KLHL8: variants seen among roughly 807,000 people sequenced by gnomAD.
KLHL8 encodes kelch-like protein 8.
In KLHL8, 38 loss-of-function variants were observed where a neutral mutation model predicts 63.5. That is an observed-to-expected ratio of 0.60 (90% CI 0.46 to 0.78). The LOEUF (loss-of-function observed/expected upper bound fraction) is 0.78, where lower values mean the gene tolerates loss of function less well. Among genes scored for constraint, KLHL8 ranks in the 30% least tolerant of loss-of-function variants. KLHL8 has a pLI of 0.00. For synonymous variants in KLHL8, 224 were observed against 254.3 expected (o/e 0.88, Z 1.13); for missense variants, 566 against 752.4 (o/e 0.75, Z 2.90).
At chr4:87,168,297 G>C (rs1042729627) in intron 8 of KLHL8, among the ~76,000 whole-genome samples, 2 of 152,074 alleles carry the variant, frequency 1.3e-5, no homozygotes, top group Non-Finnish European at 2.9e-5. Context: ...TGAGGGTTTT[G>C]CAGGTTTCTA....
At chr4:87,169,155 A>C (rs1730539653) in intron 8 of KLHL8, among the ~76,000 whole-genome samples, 1 of 152,062 alleles carries the variant, frequency 6.6e-6, no homozygotes, top group Admixed American at 6.5e-5. Flanking sequence ...AAATACAAAA[A>C]TTAGCTGGGC....
intron 7 of KLHL8, 33 bp from the exon 8 acceptor site, chr4:87,170,271 A>G: frequency 6.3e-7 from 1 of 1,579,996 alleles, no homozygotes; most frequent in South Asian, 1.2e-5. Context: ...AACACATTAG[A>G]TTTCGAATTT....
intron 1 of KLHL8, among the ~76,000 whole-genome samples, chr4:87,206,019 C>T (rs1732115568): frequency 6.6e-6 from 1 of 152,180 alleles, no homozygotes; most frequent in Admixed American, 6.5e-5. Flanking sequence ...TTAGATTCCC[C>T]TACTTTTACA....
At chr4:87,177,019 C>T (rs951142154) in intron 5 of KLHL8, 151 bp from the exon 6 acceptor site, 1 of 500,672 alleles carries the variant, frequency 2.0e-6, no homozygotes, top group South Asian at 3.5e-5. Flanking sequence ...AATGTCATTT[C>T]AGTAGTTGAA....
At chr4:87,168,133 CTAGT>C (rs909277235) in intron 8 of KLHL8, among the ~76,000 whole-genome samples, 1 of 152,132 alleles carries the variant, frequency 6.6e-6, no homozygotes, top group African/African-American at 2.4e-5. Flanking sequence ...TTGGTTTTGC[CTAGT>C]TAGACTTTCA....
intron 6 of KLHL8, among the ~76,000 whole-genome samples, chr4:87,171,733 C>T (rs1356820103): frequency 1.3e-5 from 2 of 152,176 alleles, no homozygotes; most frequent in Admixed American, 6.5e-5. Context: ...TAACATCATA[C>T]GTTTTAGTCC....
At chr4:87,184,658 G>A (rs1482359305) in intron 3 of KLHL8, among the ~76,000 whole-genome samples, 1 of 151,850 alleles carries the variant, frequency 6.6e-6, no homozygotes, top group Non-Finnish European at 1.5e-5. Flanking sequence ...AGAAAGGAGA[G>A]GAAGACGACA....
chr4:87,204,144 G>A (rs1161480002), intron 1 of KLHL8, among the ~76,000 whole-genome samples: 3 of 152,088 alleles, frequency 2.0e-5, no homozygotes, highest in African/African-American at 4.8e-5. Flanking sequence ...CCAAGAGTTC[G>A]AAGCTGTAGT....
At chr4:87,226,659 A>ATATATAATATATATTATTTT (rs1732986349) in intron 1 of KLHL8, among the ~76,000 whole-genome samples, 1 of 54,186 alleles carries the variant, frequency 1.8e-5, no homozygotes, top group African/African-American at 7.6e-5. Context: ...TATATTACTT[A>ATATATAATATATATTATTTT]TATATAATAT....
At chr4:87,186,036 TAA>T (rs1009593828) in intron 2 of KLHL8, among the ~76,000 whole-genome samples, 2 of 151,520 alleles carry the variant, frequency 1.3e-5, no homozygotes, top group African/African-American at 4.9e-5. Context: ...ACTTTAAAAT[TAA>T]AAAAAAATTT....
intron 1 of KLHL8, among the ~76,000 whole-genome samples, chr4:87,227,177 A>G (rs1733045614): frequency 6.6e-6 from 1 of 151,198 alleles, no homozygotes; most frequent in African/African-American, 2.4e-5. Flanking sequence ...GAGAACTCCA[A>G]TATTGTTAGC....
At chr4:87,178,719 G>A (rs985287159) in intron 4 of KLHL8, 99 bp from the exon 5 acceptor site, 14 of 1,187,830 alleles carry the variant, frequency 1.2e-5, no homozygotes, top group East Asian at 2.8e-5. Context: ...ACAAAAAAAA[G>A]TTATTTGGAT....
chr4:87,188,837 G>C (rs950145875), intron 2 of KLHL8, among the ~76,000 whole-genome samples: 1 of 152,124 alleles, frequency 6.6e-6, no homozygotes, highest in Non-Finnish European at 1.5e-5. Flanking sequence ...CATAATATTA[G>C]ACATTACCGT....
intron 4 of KLHL8, among the ~76,000 whole-genome samples, chr4:87,180,932 G>A (rs1278291751): frequency 6.6e-6 from 1 of 152,030 alleles, no homozygotes; most frequent in African/African-American, 2.4e-5. Context: ...GCTACTCAGG[G>A]GGCTGAGGGA....
chr4:87,238,961 G>A (rs1192987454), intron 1 of KLHL8, among the ~76,000 whole-genome samples: 1 of 152,054 alleles, frequency 6.6e-6, no homozygotes, highest in East Asian at 1.9e-4. Context: ...TCTCTCTAGT[G>A]ACTTTTTTTC....
At chr4:87,199,121 A>G (rs1043665212) in intron 1 of KLHL8, among the ~76,000 whole-genome samples, 3 of 152,222 alleles carry the variant, frequency 2.0e-5, no homozygotes, top group African/African-American at 7.2e-5. Context: ...GTATAAAGAC[A>G]CAAATAGGTT....
intron 1 of KLHL8, among the ~76,000 whole-genome samples, chr4:87,206,054 A>G (rs1578393381): frequency 6.6e-6 from 1 of 152,118 alleles, no homozygotes; most frequent in Admixed American, 6.5e-5. Context: ...TTTTTCAGTT[A>G]CCCTACTTCA....
intron 3 of KLHL8, among the ~76,000 whole-genome samples, chr4:87,184,877 ATAAT>A (rs1387137758): frequency 6.6e-6 from 1 of 152,200 alleles, no homozygotes; most frequent in Non-Finnish European, 1.5e-5. Context: ...TATTAGCAAA[ATAAT>A]TCATTAAAAT....
At chr4:87,171,547 G>A (rs1287385710) in intron 6 of KLHL8, among the ~76,000 whole-genome samples, 1 of 152,164 alleles carries the variant, frequency 6.6e-6, no homozygotes, top group Non-Finnish European at 1.5e-5. Context: ...ACCAAATACT[G>A]TGCTGATAAA....
Sources: gnomAD v4.1 joint callset for allele counts (sites outside exome capture counted in the v4.1 genomes callset) on GRCh38, gnomAD v4.1.1 for gene constraint, MANE v1.5 for transcripts, NCBI Gene and HGNC (gene_info 2026-07-23, HGNC 2026-07-21) for gene names.